CYFIP2: variants seen among roughly 807,000 people sequenced by gnomAD.
CYFIP2 encodes the protein cytoplasmic FMR1-interacting protein 2.
In CYFIP2, 29 loss-of-function variants were observed where a neutral mutation model predicts 158.7. The ratio of observed to expected loss-of-function variants is 0.18; its 90% CI spans 0.14 to 0.25. CYFIP2 has a LOEUF of 0.25. Ranked by LOEUF, CYFIP2 falls within the 10% of genes least tolerant of loss-of-function variation. The pLI is 1.00. For missense variants in CYFIP2, 852 were observed against 1,639.5 expected (o/e 0.52, Z 8.29); for synonymous variants, 585 against 617.6 (o/e 0.95, Z 0.78).
At position 157,304,268 on chromosome 5, in the gene CYFIP2, G is replaced by C. The variant is rs267600514; in HGVS notation, c.697G>C (p.Gly233Arg). 1.9e-6 allele frequency: 3 copies of C among 1,613,386 alleles called. No individual in the cohort carries two copies. The Admixed American group carries it at 5.0e-5, about 27-fold the overall frequency. Reference protein sequence around the residue: ...CLHQQLEVIPGYEELLADIVN... With the variant: ...CLHQQLEVIPRYEELLADIVN... ...CCACCAGCAACTTGAAGTGATCCCA[G>C]GCTATGAGGAGCTGCTGGCTGACAT... Residue 233 changes from glycine (G) to arginine (R), a missense_variant, in exon 8 of 31, where the codon GGC (glycine) becomes CGC (arginine). This residue lies in a region of CYFIP2 where 123 missense variants were observed against 316.7 expected (regional missense o/e 0.39). Transcript: ENST00000620254.
intron 30 of CYFIP2, 74 bp downstream of exon 30, chr5:157,390,742 A>C (rs1767200525): frequency 6.5e-7 from 1 of 1,544,754 alleles, no homozygotes; most frequent in Non-Finnish European, 8.7e-7. Flanking sequence ...AAAAGCAAAC[A>C]AGGAGGAGCT....
chr5:157,354,101 T>C (rs1763254756), intron 23 of CYFIP2, among the ~76,000 whole-genome samples: 1 of 152,210 alleles, frequency 6.6e-6, no homozygotes, highest in Non-Finnish European at 1.5e-5. Context: ...CTCACCATAT[T>C]TTTTTCTCTC....
chr5:157,335,663 C>T (rs1009202507), intron 21 of CYFIP2, among the ~76,000 whole-genome samples: 1 of 152,140 alleles, frequency 6.6e-6, no homozygotes, highest in African/African-American at 2.4e-5. Context: ...ACCTACCCAC[C>T]CACCTAAGTC....
intron 1 of CYFIP2, among the ~76,000 whole-genome samples, chr5:157,271,806 G>C (rs539518619): frequency 6.6e-6 from 1 of 152,316 alleles, no homozygotes; most frequent in East Asian, 1.9e-4. Context: ...CACGTGCTCC[G>C]ATCTGGTGGC....
At chr5:157,327,849 T>G (rs565661639) in intron 18 of CYFIP2, 124 bp from the exon 19 acceptor site, 1 of 835,874 alleles carries the variant, frequency 1.2e-6, no homozygotes, top group East Asian at 2.7e-5. Context: ...TTTTTCCCCT[T>G]CAAAGCGTCT....
Position 157,361,421 on chromosome 5 carries a change from A to C in CYFIP2, c.2909-47A>C, listed in dbSNP as rs375992470. On this transcript the variant is annotated intron_variant, in intron 25 of 30. Coordinates refer to ENST00000620254, the MANE Select transcript of CYFIP2 (RefSeq NM_001037333.3). This position sits in a 1 kb window ranked among gnomAD's most constrained non-coding sequence, Gnocchi z 4.4. ...TCAGTCATTGTTTCCCATAGACCCT[A>C]CTGAGCAGTGTCAACTTCCCACTGA... The C allele has an allele frequency of 5.0e-6, 8 of 1,611,796 alleles. No homozygotes were observed. Among genetic ancestry groups the C allele is most frequent in the African/African-American group, 1.3e-5 (1 of 74,816 alleles).
intron 3 of CYFIP2, among the ~76,000 whole-genome samples, chr5:157,291,976 G>A (rs1345414942): frequency 6.6e-6 from 1 of 151,822 alleles, no homozygotes; most frequent in Admixed American, 6.6e-5. Context: ...TATTCACAAT[G>A]TTATACAGCC....
intron 29 of CYFIP2, among the ~76,000 whole-genome samples, chr5:157,389,865 A>T (rs1433686656): frequency 6.6e-6 from 1 of 152,206 alleles, no homozygotes; most frequent in Non-Finnish European, 1.5e-5. Flanking sequence ...GCTAGCCTGT[A>T]GGCTTCCAGT....
chr5:157,331,451 A>C (rs1761454824), intron 20 of CYFIP2, among the ~76,000 whole-genome samples: 1 of 150,752 alleles, frequency 6.6e-6, no homozygotes, highest in South Asian at 2.1e-4. Context: ...AGCGGGTGGC[A>C]AAATGGCCTT....
intron 21 of CYFIP2, among the ~76,000 whole-genome samples, chr5:157,333,990 TTCTC>T (rs1761673629): frequency 6.6e-6 from 1 of 152,260 alleles, no homozygotes; most frequent in African/African-American, 2.4e-5. Flanking sequence ...TCTCTGCTAA[TTCTC>T]TCTCTTCAAG....
At chr5:157,330,393 C>T (rs747733278) in intron 19 of CYFIP2, among the ~76,000 whole-genome samples, 3 of 152,060 alleles carry the variant, frequency 2.0e-5, no homozygotes, top group Non-Finnish European at 2.9e-5. Context: ...TTTCCTCACT[C>T]GAATATAAAC....
At chr5:157,326,796 C>T (rs1360943654) in intron 18 of CYFIP2, among the ~76,000 whole-genome samples, 1 of 152,156 alleles carries the variant, frequency 6.6e-6, no homozygotes, top group Non-Finnish European at 1.5e-5. Context: ...ACCCTTGAAG[C>T]TCAAAGTGCA....
At chr5:157,388,774 A>C (rs1766954623) in intron 28 of CYFIP2, among the ~76,000 whole-genome samples, 1 of 152,158 alleles carries the variant, frequency 6.6e-6, no homozygotes, top group Non-Finnish European at 1.5e-5. Flanking sequence ...CATCTACCTC[A>C]TGGGATGGAA....
intron 23 of CYFIP2, among the ~76,000 whole-genome samples, chr5:157,358,783 T>C (rs1253419503): frequency 6.6e-6 from 1 of 152,254 alleles, no homozygotes; most frequent in Non-Finnish European, 1.5e-5. Flanking sequence ...TATCCTCTTC[T>C]GCTAGGGAGT....
intron 30 of CYFIP2, 107 bp downstream of exon 30, chr5:157,390,775 C>A: frequency 6.6e-7 from 1 of 1,506,548 alleles, no homozygotes; most frequent in Non-Finnish European, 9.0e-7. Flanking sequence ...CAGCTCCCCA[C>A]ACGGCAAGTA....
At chr5:157,389,040 C>A (rs1003422741) in intron 28 of CYFIP2, 149 bp from the exon 29 acceptor site, 1 of 617,966 alleles carries the variant, frequency 1.6e-6, no homozygotes, top group Admixed American at 3.6e-5. Flanking sequence ...CATTCAGGAT[C>A]ATCAATTTTG....
At chr5:157,364,773 A>C (rs1764210126) in intron 26 of CYFIP2, 2 of 152,144 alleles carry the variant, frequency 1.3e-5, no homozygotes, top group Non-Finnish European at 2.9e-5. Context: ...AGGAAGCTAG[A>C]ATTAAATTTT....
chr5:157,371,300 C>T (rs982484948), intron 26 of CYFIP2, among the ~76,000 whole-genome samples: 2 of 152,168 alleles, frequency 1.3e-5, no homozygotes, highest in Admixed American at 1.3e-4. Flanking sequence ...ATCCAAGCAG[C>T]GATCCCTGTG....
chr5:157,280,517 C>T (rs1198826995), intron 1 of CYFIP2, among the ~76,000 whole-genome samples: 1 of 151,956 alleles, frequency 6.6e-6, no homozygotes, highest in African/African-American at 2.4e-5. Flanking sequence ...AGCCACCACA[C>T]CCGTCTGTAA....
Sources: allele counts gnomAD v4.1 joint callset (sites outside exome capture counted in the v4.1 genomes callset), GRCh38; gene constraint gnomAD v4.1.1; regional missense constraint gnomAD v4.1.1; non-coding constraint Gnocchi (gnomAD v3.1); transcripts MANE v1.5; gene names NCBI Gene and HGNC (gene_info 2026-07-23, HGNC 2026-07-21).